The following PCGF5 variants were observed in gnomAD, a reference collection of about 807,000 sequenced individuals.
PCGF5 encodes the protein polycomb group ring finger 5.
A neutral mutation model predicts 44.3 loss-of-function variants in PCGF5; 9 were observed. That is an observed-to-expected ratio of 0.20 (90% CI 0.12 to 0.35). The LOEUF (loss-of-function observed/expected upper bound fraction) is 0.35. Ranked by LOEUF, PCGF5 falls within the 10% of genes least tolerant of loss-of-function variation. The pLI is 1.00. For synonymous variants in PCGF5, 95 were observed against 102.5 expected (o/e 0.93, Z 0.44); for missense variants, 146 against 305.3 (o/e 0.48, Z 3.89).
intron 5 of PCGF5, among the ~76,000 whole-genome samples, chr10:91,250,812 T>TC (rs1002234737): frequency 7.9e-5 from 12 of 151,886 alleles, no homozygotes; most frequent in African/African-American, 1.4e-4. Context: ...TCGTTTTTTT[T>TC]CACTGGCTGA....
chr10:91,282,831 A>G lies in PCGF5; in HGVS notation c.*4515A>G, dbSNP rs1027380735. On this transcript the variant is annotated 3_prime_UTR_variant, in exon 10 of 10. Transcript: ENST00000336126. The stretch of plus-strand genomic sequence containing the variant: ...TTGGTTGGTAGTAGGAACTTCAAAA[A>G]TGAATGAGTTTGCCATAACTTTAAT... 1 of 152,662 alleles carries G rather than the reference A, an allele frequency of 6.6e-6. No homozygotes were observed. Among genetic ancestry groups the G allele is most frequent in the Admixed American group, 6.5e-5 (1 of 15,284 alleles). The allele number at this position is 152,662 out of a possible 1,614,324, so 9.5% of individuals were successfully genotyped here.
At chr10:91,195,648 G>A (rs72813402) in intron 1 of PCGF5, among the ~76,000 whole-genome samples, 1 of 151,640 alleles carries the variant, frequency 6.6e-6, no homozygotes, top group Non-Finnish European at 1.5e-5. Context: ...TGTTACCCAG[G>A]CTAGTCTCGA....
At chr10:91,259,802 C>A (rs1330700635) in intron 6 of PCGF5, among the ~76,000 whole-genome samples, 1 of 152,120 alleles carries the variant, frequency 6.6e-6, no homozygotes, top group Non-Finnish European at 1.5e-5. Context: ...TTCCTTACAC[C>A]TTATACAAAA....
At chr10:91,268,653 T>G (rs1846103445) in intron 8 of PCGF5, among the ~76,000 whole-genome samples, 1 of 152,136 alleles carries the variant, frequency 6.6e-6, no homozygotes, top group Admixed American at 6.6e-5. Context: ...CCCTTTATCT[T>G]GCTCTGCTTC....
intron 1 of PCGF5, among the ~76,000 whole-genome samples, chr10:91,199,807 T>G (rs1420419565): frequency 6.6e-6 from 1 of 152,144 alleles, no homozygotes; most frequent in African/African-American, 2.4e-5. Context: ...GGAGAATAAA[T>G]TTTAGTGTGG....
At chr10:91,214,168 G>T (rs1026958164) in intron 1 of PCGF5, among the ~76,000 whole-genome samples, 2 of 152,116 alleles carry the variant, frequency 1.3e-5, no homozygotes, top group African/African-American at 4.8e-5. Context: ...TGAGCATGGT[G>T]GTATGTACCC....
At position 91,264,417 on chromosome 10, in the gene PCGF5, G is replaced by T. The variant is rs999121383; in HGVS notation, c.574-14G>T. 40 of 1,575,400 alleles carry T rather than the reference G, an allele frequency of 2.5e-5. No homozygotes were observed. The highest frequency in any genetic ancestry group is 3.2e-5 in the Non-Finnish European group (37 of 1,159,466). On this transcript the variant is annotated splice_polypyrimidine_tract_variant and intron_variant, in intron 7 of 9. Coordinates refer to ENST00000336126, the MANE Select transcript of PCGF5 (RefSeq NM_032373.5). ...AACATTATGTTAATAGATCTATAAT[G>T]ATTCTTTTTAAAGTTGGATGTGCTG...
intron 1 of PCGF5, among the ~76,000 whole-genome samples, chr10:91,214,563 A>G (rs1018614922): frequency 2.0e-5 from 3 of 152,248 alleles, no homozygotes; most frequent in African/African-American, 2.4e-5. Context: ...GTCCAGGCAT[A>G]TACAGGAGTA....
chr10:91,190,310 A>G (rs1227836755), intron 1 of PCGF5, among the ~76,000 whole-genome samples: 1 of 152,218 alleles, frequency 6.6e-6, no homozygotes, highest in African/African-American at 2.4e-5. Context: ...TAAGATTTCA[A>G]CATATGAATT....
upstream of PCGF5, among the ~76,000 whole-genome samples, chr10:91,159,249 A>C (rs1030914142): frequency 1.3e-5 from 2 of 151,728 alleles, no homozygotes; most frequent in South Asian, 4.2e-4. Flanking sequence ...AGGAAGTCAT[A>C]ATTTTTTTTT....
At chr10:91,168,972 C>T (rs1843554572) in intron 1 of PCGF5, among the ~76,000 whole-genome samples, 1 of 119,702 alleles carries the variant, frequency 8.4e-6, no homozygotes, top group Non-Finnish European at 1.7e-5. Context: ...GGCTTGATAA[C>T]ATTTGTGCAT....
chr10:91,241,755 T>A (rs143034492), intron 3 of PCGF5, among the ~76,000 whole-genome samples: 1 of 152,344 alleles, frequency 6.6e-6, no homozygotes, highest in Non-Finnish European at 1.5e-5. Context: ...TGTGTGATAT[T>A]TGCCATCATT....
At chr10:91,233,951 G>C (rs1845082374) in intron 2 of PCGF5, among the ~76,000 whole-genome samples, 1 of 152,184 alleles carries the variant, frequency 6.6e-6, no homozygotes, top group Admixed American at 6.5e-5. Flanking sequence ...GACACTTAAA[G>C]ACATGAGAGA....
At chr10:91,205,156 A>G (rs550346915) in intron 1 of PCGF5, among the ~76,000 whole-genome samples, 64 of 152,348 alleles carry the variant, frequency 4.2e-4, no homozygotes, top group African/African-American at 1.3e-3. Context: ...CTCTCTCACT[A>G]GAGTCACTAA....
chr10:91,186,893 T>C (rs1843936777), intron 1 of PCGF5, among the ~76,000 whole-genome samples: 2 of 152,174 alleles, frequency 1.3e-5, no homozygotes, highest in Non-Finnish European at 2.9e-5. Context: ...GTTTGCTTCA[T>C]CTTATGAGTG....
At chr10:91,246,983 ATAG>A (rs1845481105) in intron 3 of PCGF5, among the ~76,000 whole-genome samples, 1 of 145,786 alleles carries the variant, frequency 6.9e-6, no homozygotes, top group Non-Finnish European at 1.5e-5. Context: ...AGATAGATAG[ATAG>A]ATAGATAGAT....
intron 1 of PCGF5, among the ~76,000 whole-genome samples, chr10:91,183,271 G>A (rs772940342): frequency 1.3e-5 from 2 of 152,052 alleles, no homozygotes; most frequent in South Asian, 2.1e-4. Flanking sequence ...ATGAATCTGG[G>A]TGTTCCTGTG....
At chr10:91,217,128 G>A (rs1393283107), upstream of PCGF5, among the ~76,000 whole-genome samples, 3 of 152,034 alleles carry the variant, frequency 2.0e-5, no homozygotes, top group Non-Finnish European at 4.4e-5. Context: ...CCACCTCCTG[G>A]GTTCACGCCA....
chr10:91,212,513 G>A (rs1347474896), intron 1 of PCGF5, among the ~76,000 whole-genome samples: 2 of 152,280 alleles, frequency 1.3e-5, no homozygotes, highest in East Asian at 3.9e-4. Context: ...TGGAAGTTTG[G>A]TTTGCTTTTT....
Sources: allele counts gnomAD v4.1 joint callset (sites outside exome capture counted in the v4.1 genomes callset), GRCh38; gene constraint gnomAD v4.1.1; transcripts MANE v1.5; gene names NCBI Gene and HGNC (gene_info 2026-07-23, HGNC 2026-07-21).